Variants in ARHGAP10 observed in about 807,000 individuals in gnomAD.
ARHGAP10 encodes the protein rho GTPase-activating protein 10.
A neutral mutation model predicts 108.6 loss-of-function variants in ARHGAP10; 87 were observed. That is an observed-to-expected ratio of 0.80 (90% CI 0.67 to 0.96). The LOEUF (loss-of-function observed/expected upper bound fraction) is 0.96. Ranked by LOEUF, ARHGAP10 falls within the 40% of genes least tolerant of loss-of-function variation. The pLI is 0.00. For missense variants in ARHGAP10, 939 were observed against 954.5 expected (o/e 0.98, Z 0.21); for synonymous variants, 347 against 341.1 (o/e 1.02, Z -0.19).
rs771652190 is a variant in ARHGAP10, at chr4:147,906,612, C to T, written c.1035-26C>T. On this transcript the variant is annotated intron_variant, in intron 10 of 22. Transcript: ENST00000336498. ...TTGCCTTTTAGTGGCCAAGGGGTAA[C>T]CTGATATGTTACTGGTGTCTTTCAG... is the stretch of plus-strand genomic sequence containing the variant. The T allele has an allele frequency of 2.3e-5, 37 of 1,613,174 alleles. No individual in the cohort carries two copies. The Admixed American group carries it at 6.0e-4, about 26-fold the overall frequency.
chr4:147,856,442 C>T (rs970031446), intron 4 of ARHGAP10, among the ~76,000 whole-genome samples: 18 of 152,304 alleles, frequency 1.2e-4, no homozygotes, highest in African/African-American at 4.3e-4. Context: ...GGTCGATCAT[C>T]CTGAATCTGA....
rs1218167731 is a variant in ARHGAP10, at chr4:147,928,874, T to G, written c.1229-10951T>G. 8.3e-4 allele frequency among the ~76,000 whole-genome samples: 126 copies of G among 152,220 alleles called. 1 individual carries two copies. On this transcript the variant is annotated intron_variant, in intron 13 of 22. Transcript: ENST00000336498. ...TTGGTATGTGTGAAGCTCATGCACT[T>G]GCTTTGTAAACATTATCTCCTTTAA...
At chr4:147,878,964 G>A (rs1735206979) in intron 8 of ARHGAP10, among the ~76,000 whole-genome samples, 1 of 151,912 alleles carries the variant, frequency 6.6e-6, no homozygotes, top group African/African-American at 2.4e-5. Context: ...TAGAGATGGA[G>A]TTTCACCGTG....
chr4:147,863,305 A>G (rs1734406391), intron 5 of ARHGAP10: 1 of 152,204 alleles, frequency 6.6e-6, no homozygotes, highest in South Asian at 2.1e-4. Context: ...GTTTCTATGA[A>G]TTTAACTACT....
At chr4:147,995,724 C>T (rs1578771280) in intron 18 of ARHGAP10, among the ~76,000 whole-genome samples, 1 of 151,082 alleles carries the variant, frequency 6.6e-6, no homozygotes, top group African/African-American at 2.4e-5. Flanking sequence ...ATCTCTCTCT[C>T]TTTTTTTTTC....
At chr4:147,736,211 A>G (rs1158210226) in intron 1 of ARHGAP10, among the ~76,000 whole-genome samples, 2 of 151,874 alleles carry the variant, frequency 1.3e-5, no homozygotes, top group Non-Finnish European at 2.9e-5. Flanking sequence ...ATGGAAAAGG[A>G]TGTAAAGGGC....
intron 1 of ARHGAP10, among the ~76,000 whole-genome samples, chr4:147,821,454 A>T (rs1732495836): frequency 6.6e-6 from 1 of 152,170 alleles, no homozygotes; most frequent in Admixed American, 6.5e-5. Context: ...ATCCTGTATG[A>T]TCCAAAAGTT....
chr4:147,977,582 T>C (rs1739643248), intron 18 of ARHGAP10, among the ~76,000 whole-genome samples: 1 of 152,212 alleles, frequency 6.6e-6, no homozygotes, highest in Non-Finnish European at 1.5e-5. Context: ...GACAGTTTAG[T>C]ATAATATGGC....
At chr4:147,935,691 G>A (rs1248525412) in intron 13 of ARHGAP10, among the ~76,000 whole-genome samples, 3 of 152,182 alleles carry the variant, frequency 2.0e-5, no homozygotes, top group African/African-American at 4.8e-5. Flanking sequence ...GAACATATAT[G>A]TGTTCATAGA....
chr4:147,733,235 T>G (rs756984646), intron 1 of ARHGAP10, among the ~76,000 whole-genome samples: 6 of 152,148 alleles, frequency 3.9e-5, no homozygotes, highest in East Asian at 1.9e-4. Flanking sequence ...ACAGGAGAGA[T>G]AACTGTATTT....
intron 19 of ARHGAP10, among the ~76,000 whole-genome samples, chr4:148,033,732 GAAAC>G (rs1728252859): frequency 6.6e-6 from 1 of 152,202 alleles, no homozygotes; most frequent in Admixed American, 6.5e-5. Context: ...GAAGGACTGA[GAAAC>G]AGAGTCTAGA....
At chr4:147,791,834 C>T (rs1358358889) in intron 1 of ARHGAP10, among the ~76,000 whole-genome samples, 2 of 152,074 alleles carry the variant, frequency 1.3e-5, no homozygotes, top group East Asian at 3.9e-4. Context: ...ATCCACCTGC[C>T]TTGGCCTCTC....
chr4:147,864,864 C>T lies in ARHGAP10; in HGVS notation c.505C>T (p.Gln169Ter). 1 of 1,613,670 alleles carries T rather than the reference C, an allele frequency of 6.2e-7. No individual in the cohort carries two copies. The highest frequency in any genetic ancestry group is 8.5e-7 in the Non-Finnish European group (1 of 1,179,848). Residue 169 changes from glutamine (Q) to a stop codon, truncating the protein, a stop_gained, in exon 6 of 23, where the codon CAG (glutamine) becomes TAG (stop). Coordinates refer to ENST00000336498, the MANE Select transcript of ARHGAP10 (RefSeq NM_024605.4). LOFTEE classifies it high-confidence loss of function. Reference sequence around the variant, plus strand: ...AACATAGGCAGATATCCAAGTAGAGCAGAACCGGCAACACTTCTATGAACT... The same window carrying T: ...AACATAGGCAGATATCCAAGTAGAGTAGAACCGGCAACACTTCTATGAACT... ...HLQEADIQVE[Q>*]NRQHFYELSL... is the part of the protein sequence containing the mutation.
intron 10 of ARHGAP10, among the ~76,000 whole-genome samples, chr4:147,891,815 A>G (rs1735804749): frequency 6.6e-6 from 1 of 152,138 alleles, no homozygotes; most frequent in Non-Finnish European, 1.5e-5. Context: ...TGTTTTCTCC[A>G]TGGCAAGTTG....
At chr4:147,932,204 G>T (rs116542854) in intron 13 of ARHGAP10, among the ~76,000 whole-genome samples, 16 of 152,182 alleles carry the variant, frequency 1.1e-4, no homozygotes, top group Admixed American at 1.0e-3. Context: ...ACACACTATC[G>T]GTGGGAGTGT....
chr4:147,789,879 A>G (rs1731048766), intron 1 of ARHGAP10, among the ~76,000 whole-genome samples: 1 of 151,992 alleles, frequency 6.6e-6, no homozygotes. Context: ...GATGTGTGGG[A>G]GTCTCATCAG....
chr4:147,868,361 T>G (rs1734654610), intron 7 of ARHGAP10, among the ~76,000 whole-genome samples: 1 of 151,820 alleles, frequency 6.6e-6, no homozygotes, highest in South Asian at 2.1e-4. Flanking sequence ...CTCAGCCTCC[T>G]GAGTAGCTGG....
intron 13 of ARHGAP10, among the ~76,000 whole-genome samples, chr4:147,936,315 C>CT (rs1248079020): frequency 2.1e-5 from 2 of 95,628 alleles, no homozygotes; most frequent in Non-Finnish European, 4.6e-5. Context: ...TCCTTTTCCT[C>CT]TCTTTTTTTT....
intron 15 of ARHGAP10, among the ~76,000 whole-genome samples, chr4:147,954,055 A>C (rs993568631): frequency 4.6e-5 from 7 of 152,076 alleles, no homozygotes; most frequent in Non-Finnish European, 8.8e-5. Flanking sequence ...TGTAATCAAA[A>C]AACAAACTCT....
Sources: gnomAD v4.1 joint callset for allele counts (sites outside exome capture counted in the v4.1 genomes callset) on GRCh38, gnomAD v4.1.1 for gene constraint, MANE v1.5 for transcripts, NCBI Gene and HGNC (gene_info 2026-07-23, HGNC 2026-07-21) for gene names.